PTPRG: variants seen among roughly 807,000 people sequenced by gnomAD.
PTPRG encodes the protein protein tyrosine phosphatase receptor type G.
In PTPRG, 102 loss-of-function variants were observed where a neutral mutation model predicts 165.3. The observed-to-expected ratio is 0.62, with a 90% CI of 0.53 to 0.73. The LOEUF is 0.73. Ranked by LOEUF, PTPRG falls within the 30% of genes least tolerant of loss-of-function variation. The pLI is 0.00. For missense variants in PTPRG, 1,866 were observed against 1,861.4 expected (o/e 1.00, Z -0.05); for synonymous variants, 675 against 669.5 (o/e 1.01, Z -0.13).
intron 14 of PTPRG, among the ~76,000 whole-genome samples, chr3:62,239,553 A>G (rs1701111719): frequency 6.6e-6 from 1 of 151,640 alleles, no homozygotes; most frequent in Non-Finnish European, 1.5e-5. Flanking sequence ...TATTTTTAGT[A>G]TAGACGGGGT....
intron 6 of PTPRG, 113 bp from the exon 7 acceptor site, chr3:62,156,954 C>T: frequency 4.1e-6 from 4 of 967,418 alleles, no homozygotes; most frequent in Non-Finnish European, 6.4e-6. Flanking sequence ...AGGATATAAA[C>T]AAACATAAGG....
At chr3:62,023,473 T>TC (rs2041743891) in intron 4 of PTPRG, among the ~76,000 whole-genome samples, 1 of 152,188 alleles carries the variant, frequency 6.6e-6, no homozygotes, top group African/African-American at 2.4e-5. Context: ...CAGTCATTTT[T>TC]CTTCTAAAGT....
rs568757872 is a variant in PTPRG, at chr3:62,045,487, C to T, written c.520-32676C>T. On this transcript the variant is annotated intron_variant, in intron 4 of 29. Transcript: ENST00000474889. The stretch of plus-strand genomic sequence containing the variant: ...TTTCCCCTTTTAGTTCTTTAACAGA[C>T]ATGAACTGTGTAGAGTCAAACCTCA... Among the ~76,000 whole-genome samples the T allele has an allele frequency of 1.4e-4, 21 of 152,274 alleles. 1 individual carries two copies. In the South Asian group the frequency reaches 3.9e-3, roughly 29 times the overall value.
In PTPRG at chr3:61,631,278, C is replaced by T. The variant is rs567665385; in HGVS notation, c.85+68906C>T. 6.8e-4 allele frequency among the ~76,000 whole-genome samples: 104 copies of T among 152,174 alleles called. 1 individual carries two copies. The highest frequency in any genetic ancestry group is 2.4e-3 in the African/African-American group (100 of 41,528). ...TCTACCTGATCTGTTAAATTTAGTA[C>T]AGTAGTCCACCCTTATCTGCGGTTT... On this transcript the variant is annotated intron_variant, in intron 1 of 29. Coordinates refer to ENST00000474889, the MANE Select transcript of PTPRG (RefSeq NM_002841.4).
At position 62,241,277 on chromosome 3, in the gene PTPRG, G is replaced by C. The variant is rs545238484; in HGVS notation, c.2376-2530G>C. 2.6e-5 allele frequency among the ~76,000 whole-genome samples: 4 copies of C among 152,230 alleles called. No individual in the cohort carries two copies. In the South Asian group the frequency reaches 8.3e-4, roughly 32 times the overall value. ...TCTGCATACTTGATGCTGTGCAGTG[G>C]GTGCTGAATAAACATTTGCCAAATC... On this transcript the variant is annotated intron_variant, in intron 14 of 29. Coordinates refer to ENST00000474889, the MANE Select transcript of PTPRG (RefSeq NM_002841.4).
chr3:62,253,972 A>G (rs577504552), intron 15 of PTPRG, among the ~76,000 whole-genome samples: 1 of 152,320 alleles, frequency 6.6e-6, no homozygotes, highest in African/African-American at 2.4e-5. Flanking sequence ...CCACTTAAGC[A>G]TGATTCAAGT....
At chr3:61,566,165 C>T (rs1227008186) in intron 1 of PTPRG, among the ~76,000 whole-genome samples, 2 of 152,186 alleles carry the variant, frequency 1.3e-5, no homozygotes, top group Non-Finnish European at 2.9e-5. Flanking sequence ...GAAGAAAGGT[C>T]ATAGGAAGGG....
chr3:62,066,242 A>G (rs1701009632), intron 4 of PTPRG, among the ~76,000 whole-genome samples: 1 of 152,234 alleles, frequency 6.6e-6, no homozygotes, highest in African/African-American at 2.4e-5. Context: ...AAAGAACTCT[A>G]ATGGTAACTT....
chr3:62,038,827 G>A (rs894553550), intron 4 of PTPRG, among the ~76,000 whole-genome samples: 2 of 152,072 alleles, frequency 1.3e-5, no homozygotes, highest in African/African-American at 4.8e-5. Context: ...AACTTCAGGA[G>A]TACATGTGCA....
chr3:62,228,071 G>A lies in PTPRG; in HGVS notation c.2289-3154G>A, dbSNP rs1196898485. ...TTCCCTGCCTGTTTGGCCCCTGTGG[G>A]TGGTTGATTTTGCATTCCCCTGGGT... On this transcript the variant is annotated intron_variant, in intron 13 of 29. Transcript: ENST00000474889. The surrounding 1 kb of genome is among the most constrained non-coding windows in gnomAD (Gnocchi z 4.1). 6.6e-6 allele frequency among the ~76,000 whole-genome samples: 1 copy of A among 152,086 alleles called. No individual in the cohort carries two copies. Among genetic ancestry groups the A allele is most frequent in the African/African-American group, 2.4e-5 (1 of 41,398 alleles).
chr3:62,052,007 T>C (rs1387949923), intron 4 of PTPRG, among the ~76,000 whole-genome samples: 1 of 152,204 alleles, frequency 6.6e-6, no homozygotes, highest in Non-Finnish European at 1.5e-5. Flanking sequence ...ACATGGTCTC[T>C]GTCACCCATC....
chr3:61,617,123 AC>A (rs1701319635), intron 1 of PTPRG, among the ~76,000 whole-genome samples: 1 of 152,218 alleles, frequency 6.6e-6, no homozygotes, highest in Non-Finnish European at 1.5e-5. Flanking sequence ...AAGTTAAGCT[AC>A]CAACTGAAAC....
chr3:61,694,935 C>G (rs191109781), intron 1 of PTPRG, among the ~76,000 whole-genome samples: 6 of 152,310 alleles, frequency 3.9e-5, no homozygotes, highest in African/African-American at 1.4e-4. Flanking sequence ...TATGGAAGAA[C>G]TGTTACCAAA....
At chr3:61,977,911 C>A (rs565535455) in intron 2 of PTPRG, among the ~76,000 whole-genome samples, 1 of 152,268 alleles carries the variant, frequency 6.6e-6, no homozygotes, top group South Asian at 2.1e-4. Flanking sequence ...ATTTAGAGGT[C>A]TTTTAATTTG....
chr3:61,652,163 C>T (rs980990335), intron 1 of PTPRG, among the ~76,000 whole-genome samples: 1 of 152,026 alleles, frequency 6.6e-6, no homozygotes, highest in African/African-American at 2.4e-5. Context: ...CAGAAATTAG[C>T]AGGGTATGGT....
intron 14 of PTPRG, chr3:62,243,496 C>A: frequency 4.9e-6 from 1 of 204,762 alleles, no homozygotes; most frequent in Non-Finnish European, 9.7e-6. Flanking sequence ...TGTGAGATAA[C>A]CCTAGCACTC....
chr3:61,738,528 CAAAT>C (rs1210204752), intron 1 of PTPRG, among the ~76,000 whole-genome samples: 2 of 150,332 alleles, frequency 1.3e-5, no homozygotes, highest in Non-Finnish European at 3.0e-5. Context: ...ATACAACTGA[CAAAT>C]AACTGCTGGA....
At chr3:61,570,700 A>G (rs1340803772) in intron 1 of PTPRG, among the ~76,000 whole-genome samples, 3 of 152,248 alleles carry the variant, frequency 2.0e-5, no homozygotes, top group Non-Finnish European at 4.4e-5. Context: ...GACCAAGCAT[A>G]AAAGCATAGT....
intron 1 of PTPRG, among the ~76,000 whole-genome samples, chr3:61,691,006 A>G (rs973423431): frequency 2.0e-5 from 3 of 152,212 alleles, no homozygotes; most frequent in Non-Finnish European, 4.4e-5. Flanking sequence ...GAATCCTTCA[A>G]TAGAGGAAAT....
Sources: allele counts gnomAD v4.1 joint callset (sites outside exome capture counted in the v4.1 genomes callset), GRCh38; gene constraint gnomAD v4.1.1; non-coding constraint Gnocchi (gnomAD v3.1); transcripts MANE v1.5; gene names NCBI Gene and HGNC (gene_info 2026-07-23, HGNC 2026-07-21).